LEPR: variants seen among roughly 807,000 people sequenced by gnomAD.
LEPR encodes leptin receptor, also known as OB receptor.
LEPR carries 56 observed loss-of-function variants against 114.7 expected under a neutral mutation model. The ratio of observed to expected loss-of-function variants is 0.49; its 90% confidence interval spans 0.39 to 0.61. LEPR has a LOEUF of 0.61. Ranked by LOEUF, LEPR falls within the 20% of genes least tolerant of loss-of-function variation. The pLI is 0.00. For missense variants in LEPR, 1,202 were observed against 1,352.9 expected (o/e 0.89, Z 1.75); for synonymous variants, 443 against 461.4 (o/e 0.96, Z 0.51).
intron 2 of LEPR, among the ~76,000 whole-genome samples, chr1:65,462,309 C>T (rs1570496138): frequency 6.6e-6 from 1 of 152,186 alleles, no homozygotes; most frequent in Admixed American, 6.5e-5. Flanking sequence ...TCATCCATGT[C>T]CCTGCAAACG....
chr1:65,583,096 C>T (rs1655100486), intron 5 of LEPR, among the ~76,000 whole-genome samples: 1 of 152,086 alleles, frequency 6.6e-6, no homozygotes, highest in South Asian at 2.1e-4. Context: ...AACTGTGATT[C>T]CTAAGAGAAG....
At chr1:65,529,091 G>A (rs923547384) in intron 2 of LEPR, among the ~76,000 whole-genome samples, 5 of 151,988 alleles carry the variant, frequency 3.3e-5, no homozygotes, top group Admixed American at 3.3e-4. Flanking sequence ...GGGATTACAG[G>A]TGTGAGCCAT....
chr1:65,466,646 G>A lies in LEPR; in HGVS notation c.-21+41268G>A, dbSNP rs544320780. On this transcript the variant is annotated intron_variant, in intron 2 of 19. Transcript: ENST00000349533. ...TTTCCAACTTGGTTCCATTCTCCCC[G>A]TCACTTTTGGTACACCAATCAGATG... Among the ~76,000 whole-genome samples, 12 of 152,204 alleles carry A rather than the reference G, an allele frequency of 7.9e-5. No homozygotes were observed. In the South Asian group the frequency reaches 1.9e-3, roughly 24 times the overall value.
intron 2 of LEPR, among the ~76,000 whole-genome samples, chr1:65,452,263 C>T (rs1007011827): frequency 4.6e-5 from 7 of 151,810 alleles, no homozygotes; most frequent in Admixed American, 1.3e-4. Context: ...AATTGAATAC[C>T]CTTTATTTCC....
chr1:65,555,388 A>T (rs1652743974), intron 2 of LEPR, among the ~76,000 whole-genome samples: 1 of 152,248 alleles, frequency 6.6e-6, no homozygotes, highest in African/African-American at 2.4e-5. Flanking sequence ...ATTCAGAGGA[A>T]AGAGTCATGT....
At chr1:65,481,831 A>AG (rs929374163) in intron 2 of LEPR, among the ~76,000 whole-genome samples, 1 of 150,946 alleles carries the variant, frequency 6.6e-6, no homozygotes, top group Admixed American at 6.6e-5. Context: ...CTAAAAAAAA[A>AG]AAAACACCCC....
intron 2 of LEPR, among the ~76,000 whole-genome samples, chr1:65,494,697 TTC>T (rs1648061971): frequency 6.6e-6 from 1 of 152,126 alleles, no homozygotes; most frequent in African/African-American, 2.4e-5. Context: ...ATAGACTGAC[TTC>T]TCTCTTCAAT....
At chr1:65,455,374 C>T (rs977154410) in intron 2 of LEPR, among the ~76,000 whole-genome samples, 3 of 152,158 alleles carry the variant, frequency 2.0e-5, no homozygotes, top group South Asian at 2.1e-4. Flanking sequence ...GTTTAGAGTT[C>T]CCAGTTTTTC....
In LEPR at chr1:65,604,431, G is replaced by A. The variant is rs79208605; in HGVS notation, c.1404-607G>A. Among the ~76,000 whole-genome samples, 14 of 152,024 alleles carry A rather than the reference G, an allele frequency of 9.2e-5. No individual in the cohort carries two copies. The East Asian group carries it at 9.7e-4, about 11-fold the overall frequency. ...ACCATCTCCGTTCACTGCAACCTCC[G>A]CCTCCCCAGTTCAAGCGATTCTCCT... On this transcript the variant is annotated intron_variant, in intron 10 of 19. Transcript: ENST00000349533.
rs1191434485 is a variant in LEPR, at chr1:65,636,949, A to T, written c.3432A>T (p.Gln1144His). ...AGACTTTTGCATCTTACATGCCTCA[A>T]TTCCAAACTTGTTCTACTCAGACTC... is the stretch of plus-strand genomic sequence containing the variant. The part of the protein sequence containing the change: ...SKKTFASYMP[Q>H]FQTCSTQTHK... Residue 1144 changes from glutamine (Q) to histidine (H), a missense_variant, in exon 20 of 20, where the codon CAA (glutamine) becomes CAT (histidine). Coordinates refer to ENST00000349533, the MANE Select transcript of LEPR (RefSeq NM_002303.6). 2 of 1,610,220 alleles carry T rather than the reference A, an allele frequency of 1.2e-6. No homozygotes were observed. The highest frequency in any genetic ancestry group is 2.2e-5 in the South Asian group (2 of 90,320).
intron 2 of LEPR, among the ~76,000 whole-genome samples, chr1:65,464,353 C>G (rs1214577031): frequency 1.3e-5 from 2 of 152,156 alleles, no homozygotes; most frequent in Non-Finnish European, 1.5e-5. Context: ...GTTGAACCAG[C>G]CTTGCATCCC....
chr1:65,570,773 C>A lies in LEPR; in HGVS notation c.341C>A (p.Thr114Lys). The A allele has an allele frequency of 6.4e-7, 1 of 1,565,990 alleles. No individual in the cohort carries two copies. The highest frequency in any genetic ancestry group is 8.6e-7 in the Non-Finnish European group (1 of 1,156,666). ...ATTGAAGGAAAGACATTTGTTTCAA[C>A]AGTAAATTCTTTAGTTTTTCAACAA... ...DNIEGKTFVS[T>K]VNSLVFQQID... is the part of the protein sequence containing the mutation. Residue 114 changes from threonine to lysine, a missense_variant, in exon 4 of 20, where the codon ACA becomes AAA. Coordinates refer to ENST00000349533, the MANE Select transcript of LEPR (RefSeq NM_002303.6).
chr1:65,628,646 T>C (rs1658353311), intron 19 of LEPR, among the ~76,000 whole-genome samples: 3 of 152,206 alleles, frequency 2.0e-5, no homozygotes, highest in Admixed American at 2.0e-4. Context: ...TGGACTGGTC[T>C]GTAGTATTCC....
intron 19 of LEPR, among the ~76,000 whole-genome samples, chr1:65,632,672 A>G (rs1658572200): frequency 6.6e-6 from 1 of 152,128 alleles, no homozygotes; most frequent in Admixed American, 6.6e-5. Flanking sequence ...AATTTCTGAG[A>G]TCTTATTTCT....
intron 2 of LEPR, among the ~76,000 whole-genome samples, chr1:65,518,877 CTT>C (rs751635750): frequency 4.6e-4 from 29 of 62,742 alleles, no homozygotes; most frequent in Non-Finnish European, 2.0e-4. Flanking sequence ...CTTTCTTTTT[CTT>C]TCTTTCTTTC....
At chr1:65,612,852 C>T (rs916696711) in intron 14 of LEPR, among the ~76,000 whole-genome samples, 8 of 152,176 alleles carry the variant, frequency 5.3e-5, no homozygotes, top group African/African-American at 1.7e-4. Context: ...ATTAAGGATA[C>T]ATTCTACCAA....
intron 2 of LEPR, among the ~76,000 whole-genome samples, chr1:65,459,409 C>T (rs1271702756): frequency 1.2e-4 from 18 of 152,192 alleles, no homozygotes. Context: ...GCTGGCCAAA[C>T]TCACTAGAAA....
Position 65,636,236 on chromosome 1 carries a change from A to C in LEPR, c.2719A>C (p.Thr907Pro). 1 of 1,614,006 alleles carries C rather than the reference A, an allele frequency of 6.2e-7. No individual in the cohort carries two copies. The highest frequency in any genetic ancestry group is 1.1e-5 in the South Asian group (1 of 91,064). The change falls in exon 20 of 20, where the codon ACA (threonine) becomes CCA (proline). Residue 907 changes from threonine to proline, a missense_variant. Thr to Pro is a conservative substitution (Grantham distance 38, BLOSUM62 -1). Transcript: ENST00000349533. ...TTTTATCAAGCATACAGCATCAGTGACATGTGGTCCTCTTCTTTTGGAGCC... is the reference window on the plus strand; with the variant it reads ...TTTTATCAAGCATACAGCATCAGTGCCATGTGGTCCTCTTCTTTTGGAGCC... ...HLFIKHTASV[T>P]CGPLLLEPET...
chr1:65,484,510 A>G (rs962691839), intron 2 of LEPR, among the ~76,000 whole-genome samples: 5 of 152,102 alleles, frequency 3.3e-5, no homozygotes, highest in African/African-American at 1.2e-4. Context: ...TATTTATTCT[A>G]TTGTGGACTG....
Sources: allele counts gnomAD v4.1 joint callset (sites outside exome capture counted in the v4.1 genomes callset), GRCh38; gene constraint gnomAD v4.1.1; transcripts MANE v1.5; gene names NCBI Gene and HGNC (gene_info 2026-07-23, HGNC 2026-07-21).